ADAMTS19: variants seen among roughly 807,000 people sequenced by gnomAD.
ADAMTS19 encodes ADAM metallopeptidase with thrombospondin type 1 motif 19, also known as A disintegrin and metalloproteinase with thrombospondin motifs 19.
Under a neutral mutation model 153.3 loss-of-function variants are expected in ADAMTS19, and 93 were observed. The observed-to-expected ratio is 0.61, with a 90% CI of 0.51 to 0.72. ADAMTS19 has a LOEUF of 0.72. ADAMTS19 is among the 30% of genes least tolerant of loss of function. The pLI, the probability that ADAMTS19 is intolerant of heterozygous loss-of-function variation, is 0.00. For synonymous variants in ADAMTS19, 600 were observed against 556.6 expected (o/e 1.08, Z -1.10); for missense variants, 1,482 against 1,552.1 (o/e 0.95, Z 0.76).
At position 129,554,806 on chromosome 5, in the gene ADAMTS19, C is replaced by T. The variant is rs957350247; in HGVS notation, c.1372+2899C>T. ...CATTTACAGGGCAAGAAAAATATGG[C>T]GCAATATTAATAACCTCTCTATTGT... On this transcript the variant is annotated intron_variant, in intron 7 of 22. Transcript: ENST00000274487. Among the ~76,000 whole-genome samples the T allele has an allele frequency of 1.5e-4, 23 of 152,062 alleles. No homozygotes were observed. The East Asian group carries it at 1.9e-3, about 13-fold the overall frequency.
chr5:129,678,926 T>C (rs929383269), intron 16 of ADAMTS19, among the ~76,000 whole-genome samples: 8 of 152,296 alleles, frequency 5.3e-5, no homozygotes, highest in Non-Finnish European at 7.4e-5. Context: ...TGAATCCTCA[T>C]GTACATGTCT....
chr5:129,687,210 G>A (rs562131158), intron 18 of ADAMTS19, among the ~76,000 whole-genome samples: 6 of 152,226 alleles, frequency 3.9e-5, no homozygotes, highest in South Asian at 4.1e-4. Flanking sequence ...ACCAACAAGC[G>A]CCCATCTTGT....
chr5:129,470,036 CTATT>C (rs1750011897), intron 2 of ADAMTS19, among the ~76,000 whole-genome samples: 1 of 152,296 alleles, frequency 6.6e-6, no homozygotes, highest in South Asian at 2.1e-4. Flanking sequence ...TAAAAATAAA[CTATT>C]TAATCATATA....
In ADAMTS19 at chr5:129,684,224, C is replaced by G; in HGVS notation, c.2769C>G (p.Phe923Leu). The change falls in exon 18 of 23, where the codon TTC (phenylalanine) becomes TTG (leucine). Residue 923 changes from phenylalanine (F) to leucine (L), a missense_variant. Transcript: ENST00000274487. ...NQSSKAPEPLFMWTHTSWEDC... is the reference protein window; with the variant it reads ...NQSSKAPEPLLMWTHTSWEDC... Reference sequence around the variant, plus strand: ...GCTCTAAAGCACCTGAGCCCCTCTTCATGTGGACACACACAAGCTGGGAAG... The same window carrying G: ...GCTCTAAAGCACCTGAGCCCCTCTTGATGTGGACACACACAAGCTGGGAAG... The G allele has an allele frequency of 6.2e-7, 1 of 1,614,208 alleles. No homozygotes were observed. Among genetic ancestry groups the G allele is most frequent in the South Asian group, 1.1e-5 (1 of 91,084 alleles).
chr5:129,737,269 A>G lies in ADAMTS19; in HGVS notation c.*51A>G. On this transcript the variant is annotated 3_prime_UTR_variant, in exon 23 of 23. Transcript: ENST00000274487. ...GCTCTTGGCAATTACATTATTTATA[A>G]ACACACACACTAGCATGTTTTTCAG... is the stretch of plus-strand genomic sequence containing the variant. The G allele has an allele frequency of 6.8e-7, 1 of 1,461,218 alleles. No individual in the cohort carries two copies. The allele number at this position is 1,461,218 out of a possible 1,614,324, so 90.5% of individuals were successfully genotyped here. A position where few individuals can be genotyped will look rare whatever the true frequency, so the allele number is the denominator to read the frequency against.
intron 9 of ADAMTS19, among the ~76,000 whole-genome samples, chr5:129,621,481 C>T (rs997546550): frequency 6.6e-6 from 1 of 152,094 alleles, no homozygotes; most frequent in African/African-American, 2.4e-5. Context: ...TTTTGTATAT[C>T]CTTTAAATAG....
chr5:129,598,613 G>A lies in ADAMTS19; in HGVS notation c.1478+1949G>A, dbSNP rs76035141. Among the ~76,000 whole-genome samples, 579 of 152,220 alleles carry A rather than the reference G, an allele frequency of 3.8e-3. 5 individuals are homozygous for A. The highest frequency in any genetic ancestry group is 0.013 in the African/African-American group (554 of 41,528). On this transcript the variant is annotated intron_variant, in intron 8 of 22. Coordinates refer to ENST00000274487, the MANE Select transcript of ADAMTS19 (RefSeq NM_133638.6). ...TGACCAAAATTTACTCCATACAAAT[G>A]TTTTGAAATGTGTATACATTGTGGA...
chr5:129,624,777 C>T (rs779555420), intron 10 of ADAMTS19, among the ~76,000 whole-genome samples: 25 of 152,052 alleles, frequency 1.6e-4, no homozygotes, highest in Non-Finnish European at 3.5e-4. Context: ...ATGTTTTGAC[C>T]TCTGAATATC....
chr5:129,732,331 T>C (rs1757474274), intron 21 of ADAMTS19, among the ~76,000 whole-genome samples: 1 of 152,056 alleles, frequency 6.6e-6, no homozygotes, highest in African/African-American at 2.4e-5. Flanking sequence ...GCCAGAGCAA[T>C]CAGGCAAGAG....
chr5:129,731,796 A>G (rs573064367), intron 21 of ADAMTS19, among the ~76,000 whole-genome samples: 1 of 152,278 alleles, frequency 6.6e-6, no homozygotes, highest in South Asian at 2.1e-4. Flanking sequence ...GATGACAATC[A>G]GAAAATATTT....
intron 7 of ADAMTS19, among the ~76,000 whole-genome samples, chr5:129,554,980 T>C (rs72789098): frequency 0.086 from 13,066 of 152,200 alleles, 635 homozygotes; most frequent in Middle Eastern, 0.16. Flanking sequence ...AAATGTTTAT[T>C]CGTACACATT....
intron 8 of ADAMTS19, among the ~76,000 whole-genome samples, chr5:129,613,129 G>A (rs1016015474): frequency 6.6e-6 from 1 of 152,068 alleles, no homozygotes; most frequent in Non-Finnish European, 1.5e-5. Context: ...ACAGATCAAC[G>A]AGACAGAAAG....
intron 16 of ADAMTS19, among the ~76,000 whole-genome samples, chr5:129,675,660 CAT>C (rs1351397569): frequency 2.0e-5 from 3 of 151,736 alleles, no homozygotes; most frequent in Non-Finnish European, 4.4e-5. Context: ...TTTGATTTTT[CAT>C]AGTTTCCATT....
intron 20 of ADAMTS19, among the ~76,000 whole-genome samples, chr5:129,702,575 G>A (rs956090395): frequency 3.3e-5 from 5 of 151,906 alleles, no homozygotes; most frequent in East Asian, 1.9e-4. Flanking sequence ...AAAAATCCTG[G>A]CTTTCTCTTT....
rs150138395 is a variant in ADAMTS19, at chr5:129,651,676, G to T, written c.2177-2630G>T. Among the ~76,000 whole-genome samples the T allele has an allele frequency of 3.5e-3, 527 of 152,206 alleles. 3 individuals carry two copies. The highest frequency in any genetic ancestry group is 0.012 in the African/African-American group (515 of 41,536). On this transcript the variant is annotated intron_variant, in intron 13 of 22. Transcript: ENST00000274487. ...GTATGTCAGTTCCTCTAGGAAGAAAGAATCCCTCTGATCCTCCAAATTATG... is the reference window on the plus strand; with the variant it reads ...GTATGTCAGTTCCTCTAGGAAGAAATAATCCCTCTGATCCTCCAAATTATG...
At chr5:129,687,576 G>T (rs1442499756) in intron 18 of ADAMTS19, among the ~76,000 whole-genome samples, 1 of 152,016 alleles carries the variant, frequency 6.6e-6, no homozygotes, top group Admixed American at 6.6e-5. Flanking sequence ...TTGTTTCAGG[G>T]TCAGGAGAAA....
intron 2 of ADAMTS19, among the ~76,000 whole-genome samples, chr5:129,480,715 A>G (rs1750377910): frequency 6.6e-6 from 1 of 152,164 alleles, no homozygotes; most frequent in Non-Finnish European, 1.5e-5. Context: ...TTCACAGCAG[A>G]TTTTTTCATA....
chr5:129,461,713 C>T lies in ADAMTS19; in HGVS notation c.703C>T (p.His235Tyr). The part of the protein sequence containing the change: ...GCFYTGAVLR[H>Y]PGSLASFSTC... ...CTTCTACACCGGAGCTGTGCTGCGG[C>T]ACCCTGGCTCGCTGGCTTCTTTCAG... The change falls in exon 2 of 23, where the codon CAC becomes TAC. Residue 235 changes from histidine (H) to tyrosine (Y), a missense_variant. Physicochemically the swap from His to Tyr is moderately conservative, Grantham distance 83 (BLOSUM62 2). This residue lies in a region of ADAMTS19 where 866 missense variants were observed against 827.7 expected (regional missense o/e 1.05). Coordinates refer to ENST00000274487, the MANE Select transcript of ADAMTS19 (RefSeq NM_133638.6). This position sits in a 1 kb window ranked among gnomAD's most constrained non-coding sequence, Gnocchi z 4.6. The T allele has an allele frequency of 6.6e-7, 1 of 1,517,828 alleles. No individual in the cohort carries two copies. The highest frequency in any genetic ancestry group is 8.8e-7 in the Non-Finnish European group (1 of 1,137,778). The allele number at this position is 1,517,828 out of a possible 1,614,324, so 94.0% of individuals were successfully genotyped here.
At chr5:129,678,266 A>C (rs1754640687) in intron 16 of ADAMTS19, among the ~76,000 whole-genome samples, 1 of 152,154 alleles carries the variant, frequency 6.6e-6, no homozygotes, top group Non-Finnish European at 1.5e-5. Flanking sequence ...ATGAGCTTTA[A>C]GACCTTTCCA....
Sources: gnomAD v4.1 joint callset for allele counts (sites outside exome capture counted in the v4.1 genomes callset) on GRCh38, gnomAD v4.1.1 for gene constraint, gnomAD v4.1.1 regional missense constraint, Gnocchi (gnomAD v3.1) non-coding constraint, MANE v1.5 for transcripts, NCBI Gene and HGNC (gene_info 2026-07-23, HGNC 2026-07-21) for gene names.